Variants in SCAMP4 observed in about 807,000 individuals in gnomAD.
SCAMP4 encodes secretory carrier membrane protein 4.
In SCAMP4, 19 loss-of-function variants were observed where a neutral mutation model predicts 32.1. The ratio of observed to expected loss-of-function variants is 0.59; its 90% CI spans 0.41 to 0.87. The LOEUF (loss-of-function observed/expected upper bound fraction) is 0.87, where lower values mean the gene tolerates loss of function less well. SCAMP4 is among the 40% of genes least tolerant of loss of function. The pLI, the probability that SCAMP4 is intolerant of heterozygous loss-of-function variation, is 0.00. For missense variants in SCAMP4, 302 were observed against 309.0 expected, an observed-to-expected ratio of 0.98 and a Z score of 0.17; for synonymous variants, 152 against 132.7, an observed-to-expected ratio of 1.15 and a Z score of -1.00.
rs1169787241 is a variant in SCAMP4, at chr19:1,924,913, G to T, written c.*629G>T. The T allele has an allele frequency of 3.3e-5, 5 of 152,522 alleles. No homozygotes were observed. Among genetic ancestry groups the T allele is most frequent in the Admixed American group, 1.3e-4 (2 of 15,324 alleles). 9.4% of individuals were successfully genotyped at this position (152,522 alleles called of 1,614,324 possible). On this transcript the variant is annotated 3_prime_UTR_variant, in exon 7 of 7. Coordinates refer to ENST00000316097, the MANE Select transcript of SCAMP4 (RefSeq NM_079834.4). ...GGAGTTCCTGGTCCAGGGTATCCTG[G>T]GGCCACCCTCCCTGCCTCCAAAACA...
chr19:1,909,664 A>C (rs2013332689), intron 1 of SCAMP4, among the ~76,000 whole-genome samples: 1 of 152,184 alleles, frequency 6.6e-6, no homozygotes, highest in Non-Finnish European at 1.5e-5. Flanking sequence ...TTCTCACCCG[A>C]GAGCCGCCTT....
chr19:1,912,797 C>G, intron 1 of SCAMP4: 1 of 1,574,030 alleles, frequency 6.4e-7, no homozygotes, highest in Non-Finnish European at 8.6e-7. Context: ...TCGTGGCGCG[C>G]GGCCAGGGCC....
intron 3 of SCAMP4, 118 bp downstream of exon 3, chr19:1,917,940 GC>G: frequency 7.0e-7 from 1 of 1,432,948 alleles, no homozygotes; most frequent in Non-Finnish European, 9.6e-7. Context: ...GCCGTCCTGG[GC>G]CTGGTGGTCC....
chr19:1,911,683 T>C (rs754628485), intron 1 of SCAMP4, among the ~76,000 whole-genome samples: 90 of 152,292 alleles, frequency 5.9e-4, no homozygotes, highest in Non-Finnish European at 8.1e-4. Flanking sequence ...CTCTGGAGGC[T>C]GAGGCATGAG....
rs11336283 is a variant in SCAMP4 at position 1,915,944 on chromosome 19, G to GA, written c.7+930dup. On this transcript the variant is annotated intron_variant, in intron 2 of 6. Transcript: ENST00000316097. ...TGGGTGACAGAGCGAGACTGTCTCAGAAAAAAAAAAAAGAGATGGTCCGGG... is the reference window on the plus strand; with the variant it reads ...TGGGTGACAGAGCGAGACTGTCTCAGAAAAAAAAAAAAAGAGATGGTCCGGG... 3.4e-4 allele frequency among the ~76,000 whole-genome samples: 46 copies of GA among 136,848 alleles called. 1 individual carries two copies. Among genetic ancestry groups the GA allele is most frequent in the Admixed American group, 3.1e-3 (42 of 13,602 alleles). The allele number at this position is 136,848 out of a possible 152,430, so 89.8% of individuals were successfully genotyped here. A position where few individuals can be genotyped will look rare whatever the true frequency, so the allele number is the denominator to read the frequency against.
chr19:1,921,597 C>T lies in SCAMP4; in HGVS notation c.396-1473C>T, dbSNP rs1043871351. 4.1e-6 allele frequency: 4 copies of T among 985,326 alleles called. No homozygotes were observed. In the African/African-American group the frequency reaches 5.2e-5, roughly 13 times the overall value. 61.0% of individuals were successfully genotyped at this position (985,326 alleles called of 1,614,324 possible). A position where few individuals can be genotyped will look rare whatever the true frequency, so the allele number is the denominator to read the frequency against. On this transcript the variant is annotated intron_variant, in intron 5 of 6. Transcript: ENST00000316097. ...GCGTGCGATGCTGGCCAGTGGGAAG[C>T]TGCGGGGGCGGCGGCAGGAGTCCTC...
chr19:1,916,424 C>T (rs1032792193), intron 2 of SCAMP4, among the ~76,000 whole-genome samples: 6 of 152,266 alleles, frequency 3.9e-5, no homozygotes, highest in Non-Finnish European at 7.4e-5. Context: ...TCTCAGATTT[C>T]TGGCCTCCAG....
At chr19:1,918,308 C>T (rs1316445296) in intron 4 of SCAMP4, 25 bp downstream of exon 4, 2 of 1,569,502 alleles carry the variant, frequency 1.3e-6, no homozygotes, top group Non-Finnish European at 1.7e-6. Flanking sequence ...CGGGGGCCGT[C>T]TGCACCCAGA....
intron 2 of SCAMP4, 58 bp from the exon 3 acceptor site, chr19:1,917,636 T>G: frequency 6.2e-7 from 1 of 1,606,952 alleles, no homozygotes; most frequent in Non-Finnish European, 8.5e-7. Context: ...AGGGATGAGG[T>G]GGGGCCTCCT....
intron 1 of SCAMP4, chr19:1,913,025 G>T: frequency 1.2e-6 from 2 of 1,605,156 alleles, no homozygotes; most frequent in East Asian, 2.2e-5. Context: ...TCTACGGTGC[G>T]CCCTCGCCCG....
chr19:1,917,743 C>G lies in SCAMP4; in HGVS notation c.57C>G (p.Pro19=), dbSNP rs751708085. ...PPLPKFIPVK[P]CFYQNFSDEI... is the part of the protein sequence containing the mutation. Reference sequence around the variant, plus strand: ...TGCCCAAGTTCATCCCTGTGAAGCCCTGCTTCTACCAGAACTTCTCCGACG... The same window carrying G: ...TGCCCAAGTTCATCCCTGTGAAGCCGTGCTTCTACCAGAACTTCTCCGACG... Residue 19 remains proline, a synonymous_variant, in exon 3 of 7, where the codon CCC becomes CCG. Transcript: ENST00000316097. 3 of 1,614,030 alleles carry G rather than the reference C, an allele frequency of 1.9e-6. No individual in the cohort carries two copies. Among genetic ancestry groups the G allele is most frequent in the South Asian group, 2.2e-5 (2 of 91,084 alleles).
chr19:1,910,510 C>T (rs1405896878), intron 1 of SCAMP4, among the ~76,000 whole-genome samples: 2 of 151,384 alleles, frequency 1.3e-5, no homozygotes, highest in Non-Finnish European at 2.9e-5. Flanking sequence ...GTGATGGTTG[C>T]ACAACTCCAA....
intron 1 of SCAMP4, chr19:1,905,726 G>C (rs8100159): frequency 0.27 from 41,752 of 152,234 alleles, 6,640 homozygotes; most frequent in African/African-American, 0.41. Flanking sequence ...CCTTATGGTC[G>C]GTGCGGGAGA....
At chr19:1,912,232 A>G (rs1174027079) in intron 1 of SCAMP4, 1 of 1,596,230 alleles carries the variant, frequency 6.3e-7, no homozygotes, top group Non-Finnish European at 8.5e-7. Context: ...GTGCTGGCCT[A>G]CGCCGCGCCC....
intron 6 of SCAMP4, among the ~76,000 whole-genome samples, 184 bp from the exon 7 acceptor site, chr19:1,923,924 C>CA: frequency 1.0e-5 from 1 of 95,820 alleles, no homozygotes; most frequent in Non-Finnish European, 2.9e-5. Context: ...CGTGCCCGGC[C>CA]TATTTTTTAT....
intron 5 of SCAMP4, chr19:1,921,084 C>T: frequency 1.0e-6 from 1 of 985,386 alleles, no homozygotes; most frequent in Non-Finnish European, 1.2e-6. Flanking sequence ...GAAATCAAAC[C>T]ACAGCGCACA....
intron 5 of SCAMP4, among the ~76,000 whole-genome samples, chr19:1,919,797 C>A (rs959651714): frequency 6.6e-6 from 1 of 151,308 alleles, no homozygotes; most frequent in Non-Finnish European, 1.5e-5. Flanking sequence ...CTGCACCCGG[C>A]CCTTTTTTTA....
chr19:1,919,358 G>A (rs1240421788), intron 5 of SCAMP4: 36 of 985,126 alleles, frequency 3.7e-5, no homozygotes, highest in Admixed American at 6.2e-5. Flanking sequence ...GCTGCAGGAG[G>A]AAGACCTGTA....
intron 1 of SCAMP4, 75 bp downstream of exon 1, chr19:1,905,514 G>C: frequency 2.6e-6 from 1 of 389,826 alleles, no homozygotes; most frequent in South Asian, 1.7e-5. Context: ...GCTGACATGG[G>C]GGGTCTCGGC....
Sources: allele counts gnomAD v4.1 joint callset (sites outside exome capture counted in the v4.1 genomes callset), GRCh38; gene constraint gnomAD v4.1.1; transcripts MANE v1.5; gene names NCBI Gene and HGNC (gene_info 2026-07-23, HGNC 2026-07-21).